The following PFKFB3 variants were observed in gnomAD, a reference collection of about 807,000 sequenced individuals.
PFKFB3 encodes 6-phosphofructo-2-kinase/fructose-2,6-bisphosphatase 3.
In PFKFB3, 33 loss-of-function variants were observed where a neutral mutation model predicts 68.0. The observed-to-expected ratio is 0.49, with a 90% CI of 0.37 to 0.65. PFKFB3 has a LOEUF of 0.65. Among genes scored for constraint, PFKFB3 ranks in the 30% least tolerant of loss-of-function variants. The pLI, the probability that PFKFB3 is intolerant of heterozygous loss-of-function variation, is 0.00. For synonymous variants in PFKFB3, 315 were observed against 288.2 expected (o/e 1.09, Z -0.94); for missense variants, 586 against 712.2 (o/e 0.82, Z 2.02).
chr10:6,196,124 T>G (rs2131835172), intron 1 of PFKFB3, among the ~76,000 whole-genome samples: 1 of 150,832 alleles, frequency 6.6e-6, no homozygotes, highest in African/African-American at 2.4e-5. Context: ...CCTCGTGAGC[T>G]TGCCTTTTTT....
Position 6,166,048 on chromosome 10 carries a change from C to T in PFKFB3, c.16+21035C>T, listed in dbSNP as rs186003188. 7.9e-3 allele frequency among the ~76,000 whole-genome samples: 1,194 copies of T among 151,488 alleles called. 13 individuals are homozygous for T. The highest frequency in any genetic ancestry group is 0.027 in the African/African-American group (1,105 of 41,290). Reference sequence around the variant, plus strand: ...AGGCTGGAGTGCAGTGGCACGATCCCGGCTCACTGCAACTTCCGCCTCCTG... The same window carrying T: ...AGGCTGGAGTGCAGTGGCACGATCCTGGCTCACTGCAACTTCCGCCTCCTG... On this transcript the variant is annotated intron_variant, in intron 1 of 14. Coordinates refer to the PFKFB3 transcript ENST00000379789.
downstream of PFKFB3, among the ~76,000 whole-genome samples, chr10:6,238,199 C>G (rs1178789828): frequency 6.6e-6 from 1 of 151,764 alleles, no homozygotes; most frequent in African/African-American, 2.4e-5. Context: ...GAGTTTGGCT[C>G]TGTTGCCCAG....
At chr10:6,320,286 G>T in the PFKFB3 span, among the ~76,000 whole-genome samples, 2 of 152,168 alleles carry the variant, frequency 1.3e-5, no homozygotes, top group Admixed American at 6.5e-5. Flanking sequence ...TGAAGCTGTA[G>T]TTCTCAGGAA....
At chr10:6,166,923 A>G (rs929185004) in intron 1 of PFKFB3, among the ~76,000 whole-genome samples, 3 of 149,612 alleles carry the variant, frequency 2.0e-5, no homozygotes, top group African/African-American at 7.5e-5. Flanking sequence ...TCTGCCTCCC[A>G]GTTTAAAGCA....
chr10:6,259,622 C>CACG (rs1846522956), downstream of PFKFB3, among the ~76,000 whole-genome samples: 1 of 150,368 alleles, frequency 6.7e-6, no homozygotes, highest in Non-Finnish European at 1.5e-5. Flanking sequence ...ATCCATCCAC[C>CACG]CATCCATCCA....
chr10:6,256,270 A>G (rs1588573940), downstream of PFKFB3, among the ~76,000 whole-genome samples: 1 of 152,142 alleles, frequency 6.6e-6, no homozygotes, highest in African/African-American at 2.4e-5. Flanking sequence ...AGAGGACATG[A>G]ATTCCCAGGG....
At chr10:6,322,719 T>C in the PFKFB3 span, among the ~76,000 whole-genome samples, 1 of 152,236 alleles carries the variant, frequency 6.6e-6, no homozygotes, top group African/African-American at 2.4e-5. Flanking sequence ...CCTGGATTAG[T>C]CTTCTTTGGT....
chr10:6,155,242 G>A (rs1463787331), intron 1 of PFKFB3, among the ~76,000 whole-genome samples: 1 of 133,138 alleles, frequency 7.5e-6, no homozygotes, highest in Non-Finnish European at 1.6e-5. Context: ...CCGCTCTGTC[G>A]CCCAGGCTGG....
downstream of PFKFB3, among the ~76,000 whole-genome samples, chr10:6,259,154 C>A (rs972890781): frequency 2.0e-5 from 3 of 151,170 alleles, no homozygotes; most frequent in Admixed American, 1.3e-4. Flanking sequence ...ATCCACCCAC[C>A]CATCCATTTA....
chr10:6,231,867 G>T (rs984512509), intron 14 of PFKFB3, among the ~76,000 whole-genome samples: 1 of 151,242 alleles, frequency 6.6e-6, no homozygotes, highest in Non-Finnish European at 1.5e-5. Flanking sequence ...CTCCTGGCGG[G>T]CACCCATCAC....
At chr10:6,199,544 G>T (rs1843264424), upstream of PFKFB3, among the ~76,000 whole-genome samples, 1 of 151,194 alleles carries the variant, frequency 6.6e-6, no homozygotes. Flanking sequence ...GAGTGCAATG[G>T]TGCAATCACA....
rs768162562 is a variant in PFKFB3 at position 6,228,338 on chromosome 10, G to T, written c.1515+1973G>T. ...AGTTTTGTGATGTGAGGTCTTCCGT[G>T]GGGGAAGGAGGAGATGGGCGTAGGA... On this transcript the variant is annotated intron_variant, in intron 14 of 14. Coordinates refer to ENST00000379775, the MANE Select transcript of PFKFB3 (RefSeq NM_004566.4). This position sits in a 1 kb window ranked among gnomAD's most constrained non-coding sequence, Gnocchi z 4.5. The T allele has an allele frequency of 3.7e-6, 4 of 1,076,254 alleles. No homozygotes were observed. In the African/African-American group the frequency reaches 4.6e-5, roughly 12 times the overall value. The allele number at this position is 1,076,254 out of a possible 1,614,324, so 66.7% of individuals were successfully genotyped here. A position where few individuals can be genotyped will look rare whatever the true frequency, so the allele number is the denominator to read the frequency against.
chr10:6,315,378 T>C, the PFKFB3 span, among the ~76,000 whole-genome samples: 1 of 152,242 alleles, frequency 6.6e-6, no homozygotes, highest in Non-Finnish European at 1.5e-5. Context: ...AGCAAGTTTA[T>C]TAAGAACGTA....
At chr10:6,184,645 A>G (rs2131802454) in intron 1 of PFKFB3, among the ~76,000 whole-genome samples, 1 of 149,030 alleles carries the variant, frequency 6.7e-6, no homozygotes, top group South Asian at 2.1e-4. Context: ...TAATTTTTGT[A>G]TTTTCAGTAG....
intron 10 of PFKFB3, 125 bp from the exon 11 acceptor site, chr10:6,222,730 A>G: frequency 9.3e-7 from 1 of 1,073,930 alleles, no homozygotes; most frequent in Non-Finnish European, 1.3e-6. Flanking sequence ...CTCCTTCTCA[A>G]CCACTGCTGA....
In PFKFB3 at chr10:6,220,454, C is replaced by T. The variant is rs989501840; in HGVS notation, c.624-204C>T. On this transcript the variant is annotated intron_variant, in intron 7 of 14. Coordinates refer to ENST00000379775, the MANE Select transcript of PFKFB3 (RefSeq NM_004566.4). This position sits in a 1 kb window ranked among gnomAD's most constrained non-coding sequence, Gnocchi z 4.1. ...TTTTTTCTCCCCCTTTTCTGGGAGG[C>T]AGGCCAGCCTCACAGCCAGACACCA... is the stretch of plus-strand genomic sequence containing the variant. Among the ~76,000 whole-genome samples, 1 of 152,200 alleles carries T rather than the reference C, an allele frequency of 6.6e-6. No homozygotes were observed. The highest frequency in any genetic ancestry group is 1.9e-4 in the East Asian group (1 of 5,200).
chr10:6,290,021 A>C, the PFKFB3 span, among the ~76,000 whole-genome samples: 24 of 152,302 alleles, frequency 1.6e-4, no homozygotes, highest in South Asian at 4.1e-4. Flanking sequence ...CTATTGGTGT[A>C]TAAGAATGCT....
downstream of PFKFB3, among the ~76,000 whole-genome samples, chr10:6,240,324 GCACTATCTCGGCT>G (rs1846113227): frequency 6.6e-6 from 1 of 152,096 alleles, no homozygotes; most frequent in Admixed American, 6.6e-5. Context: ...GACTGCGGTG[GCACTATCTCGGCT>G]CACTGGAAAC....
At chr10:6,217,647 C>T (rs1844677799) in intron 6 of PFKFB3, among the ~76,000 whole-genome samples, 1 of 152,272 alleles carries the variant, frequency 6.6e-6, no homozygotes, top group African/African-American at 2.4e-5. Flanking sequence ...TAAGACTCTC[C>T]TCCTGCTGAT....
Sources: gnomAD v4.1 joint callset for allele counts (sites outside exome capture counted in the v4.1 genomes callset) on GRCh38, gnomAD v4.1.1 for gene constraint, Gnocchi (gnomAD v3.1) non-coding constraint, MANE v1.5 for transcripts, NCBI Gene and HGNC (gene_info 2026-07-23, HGNC 2026-07-21) for gene names.